Variants in CADPS2 observed in about 807,000 individuals in gnomAD.
CADPS2 encodes calcium-dependent secretion activator 2.
CADPS2 carries 93 observed loss-of-function variants against 172.5 expected under a neutral mutation model. The observed-to-expected ratio is 0.54, with a 90% CI of 0.46 to 0.64. CADPS2 has a LOEUF of 0.64. CADPS2 is among the 30% of genes least tolerant of loss of function. CADPS2 has a pLI of 0.00. For synonymous variants in CADPS2, 546 were observed against 555.2 expected (o/e 0.98, Z 0.23); for missense variants, 1,420 against 1,565.9 (o/e 0.91, Z 1.57).
In CADPS2 at chr7:122,523,532, T is replaced by C. The variant is rs76617545; in HGVS notation, c.1476-10217A>G. On this transcript the variant is annotated intron_variant, in intron 8 of 29. Transcript: ENST00000449022. ...ATCAGTGCTGATATTTATACGACTG[T>C]ATAAATATGTTAGGTCTTTATTCCT... Among the ~76,000 whole-genome samples, 1,031 of 152,266 alleles carry C rather than the reference T, an allele frequency of 6.8e-3. 7 individuals carry two copies. The highest frequency in any genetic ancestry group is 0.024 in the African/African-American group (994 of 41,576).
At position 122,318,639 on chromosome 7, in the gene CADPS2, T is replaced by C. The variant is rs993915248; in HGVS notation, c.*1526A>G. The C allele has an allele frequency of 2.6e-5, 4 of 152,146 alleles. No homozygotes were observed. Among genetic ancestry groups the C allele is most frequent in the South Asian group, 2.1e-4 (1 of 4,830 alleles). 9.4% of individuals were successfully genotyped at this position (152,146 alleles called of 1,614,324 possible). Reference sequence around the variant, plus strand: ...ACATTCCCAAACTGCCTTTCAAAGATAGTGAGTTGGTAGAGTTAGTCTTTA... The same window carrying C: ...ACATTCCCAAACTGCCTTTCAAAGACAGTGAGTTGGTAGAGTTAGTCTTTA... On this transcript the variant is annotated 3_prime_UTR_variant, in exon 30 of 30. Transcript: ENST00000449022.
intron 17 of CADPS2, among the ~76,000 whole-genome samples, chr7:122,430,703 C>T (rs1032844250): frequency 3.3e-5 from 5 of 152,170 alleles, no homozygotes; most frequent in Non-Finnish European, 5.9e-5. Context: ...TTAAAAACAG[C>T]TGCTTTCTAG....
chr7:122,514,240 T>A (rs2130857281), intron 8 of CADPS2, among the ~76,000 whole-genome samples: 1 of 151,410 alleles, frequency 6.6e-6, no homozygotes, highest in Non-Finnish European at 1.5e-5. Context: ...AAAGAAAGAT[T>A]TTTCAATATT....
intron 11 of CADPS2, among the ~76,000 whole-genome samples, chr7:122,488,799 GT>G (rs2058056233): frequency 6.6e-6 from 1 of 152,142 alleles, no homozygotes; most frequent in Non-Finnish European, 1.5e-5. Flanking sequence ...GCGAGTTAAA[GT>G]TTTTTGGCAA....
At chr7:122,524,224 T>C (rs1225201100) in intron 8 of CADPS2, among the ~76,000 whole-genome samples, 1 of 152,198 alleles carries the variant, frequency 6.6e-6, no homozygotes, top group Admixed American at 6.5e-5. Flanking sequence ...GGGCACATTA[T>C]TCCCAAGATA....
intron 1 of CADPS2, among the ~76,000 whole-genome samples, chr7:122,815,965 A>C (rs536086492): frequency 6.6e-6 from 1 of 152,348 alleles, no homozygotes; most frequent in East Asian, 1.9e-4. Flanking sequence ...TTAATTATCA[A>C]ATGAGGGTAA....
chr7:122,828,576 A>C (rs1805615317), intron 1 of CADPS2, among the ~76,000 whole-genome samples: 1 of 152,180 alleles, frequency 6.6e-6, no homozygotes, highest in Non-Finnish European at 1.5e-5. Flanking sequence ...TATAATTTAT[A>C]AAAGTCACGG....
chr7:122,545,967 T>A (rs1478090560), intron 8 of CADPS2, among the ~76,000 whole-genome samples: 1 of 152,156 alleles, frequency 6.6e-6, no homozygotes, highest in Non-Finnish European at 1.5e-5. Context: ...AAAATACATT[T>A]GTATTTTTTT....
intron 7 of CADPS2, among the ~76,000 whole-genome samples, chr7:122,566,529 T>C (rs1422883177): frequency 6.6e-6 from 1 of 152,152 alleles, no homozygotes; most frequent in Non-Finnish European, 1.5e-5. Flanking sequence ...TGTCCATCAG[T>C]GAATGAATAA....
At position 122,605,460 on chromosome 7, in the gene CADPS2, T is replaced by C. The variant is rs116769037; in HGVS notation, c.1223+9721A>G. 4.3e-3 allele frequency among the ~76,000 whole-genome samples: 658 copies of C among 152,286 alleles called. 4 individuals carry two copies. The highest frequency in any genetic ancestry group is 0.015 in the African/African-American group (617 of 41,548). ...CATTATGCAGTGTATGACTATTTTA[T>C]AGCAATATGATCCCACCACCGATGA... On this transcript the variant is annotated intron_variant, in intron 6 of 29. Coordinates refer to ENST00000449022, the MANE Select transcript of CADPS2 (RefSeq NM_017954.11).
At chr7:122,436,127 T>A (rs1385605852) in intron 17 of CADPS2, among the ~76,000 whole-genome samples, 1 of 152,136 alleles carries the variant, frequency 6.6e-6, no homozygotes, top group Non-Finnish European at 1.5e-5. Flanking sequence ...AATATTTTTA[T>A]CATAAAATAT....
intron 14 of CADPS2, 30 bp from the exon 15 acceptor site, chr7:122,451,505 T>A (rs371951938): frequency 2.3e-5 from 30 of 1,297,240 alleles, no homozygotes; most frequent in Non-Finnish European, 3.2e-5. Flanking sequence ...CAATAATTCA[T>A]ATTGATCGAA....
intron 2 of CADPS2, among the ~76,000 whole-genome samples, chr7:122,731,814 C>T (rs1562881545): frequency 6.6e-6 from 1 of 151,746 alleles, no homozygotes; most frequent in Non-Finnish European, 1.5e-5. Context: ...TCTTTCTTCT[C>T]TTCCTATTCT....
intron 2 of CADPS2, among the ~76,000 whole-genome samples, chr7:122,721,554 A>G (rs2090402813): frequency 6.6e-6 from 1 of 152,134 alleles, no homozygotes; most frequent in African/African-American, 2.4e-5. Flanking sequence ...TTAATAGCCT[A>G]CCAACCAAAA....
At chr7:122,731,173 T>C (rs188112291) in intron 2 of CADPS2, among the ~76,000 whole-genome samples, 1 of 151,570 alleles carries the variant, frequency 6.6e-6, no homozygotes, top group East Asian at 1.9e-4. Context: ...AAGTAGAACA[T>C]AAACAAATGA....
Position 122,717,977 on chromosome 7 carries a change from ATTTTTTTTTTTT to A in CADPS2, c.453+18966_453+18977del, listed in dbSNP as rs36154725. Among the ~76,000 whole-genome samples the A allele has an allele frequency of 8.0e-5, 7 of 87,222 alleles. No individual in the cohort carries two copies. In the East Asian group the frequency reaches 1.2e-3, roughly 15 times the overall value. The allele number at this position is 87,222 out of a possible 152,430, so 57.2% of individuals were successfully genotyped here. ...AGGTGCATTCCACCACACTCGGCTAATTTTTTTTTTTTTTTTTTTTTTTTTTTTTTTTTGTAG... is the reference window on the plus strand; with the variant it reads ...AGGTGCATTCCACCACACTCGGCTAATTTTTTTTTTTTTTTTTTTTTGTAG... On this transcript the variant is annotated intron_variant, in intron 2 of 29. Coordinates refer to ENST00000449022, the MANE Select transcript of CADPS2 (RefSeq NM_017954.11).
At chr7:122,566,632 A>C (rs1448090989) in intron 7 of CADPS2, among the ~76,000 whole-genome samples, 1 of 152,166 alleles carries the variant, frequency 6.6e-6, no homozygotes, top group Admixed American at 6.6e-5. Flanking sequence ...TTAGTAATAC[A>C]CTTGAGAATG....
At chr7:122,813,577 G>A (rs748889358) in intron 1 of CADPS2, among the ~76,000 whole-genome samples, 1 of 152,104 alleles carries the variant, frequency 6.6e-6, no homozygotes, top group Non-Finnish European at 1.5e-5. Context: ...ATGCAGAAAT[G>A]TTCTTAAAAG....
At chr7:122,677,691 A>G (rs2082531119) in intron 2 of CADPS2, among the ~76,000 whole-genome samples, 1 of 152,254 alleles carries the variant, frequency 6.6e-6, no homozygotes. Flanking sequence ...ACAGAAGTAA[A>G]GAGACATGGC....
Sources: allele counts gnomAD v4.1 joint callset (sites outside exome capture counted in the v4.1 genomes callset), GRCh38; gene constraint gnomAD v4.1.1; transcripts MANE v1.5; gene names NCBI Gene and HGNC (gene_info 2026-07-23, HGNC 2026-07-21).